Variants in PDE2A observed in about 807,000 individuals in gnomAD.
The protein encoded by PDE2A is cGMP-dependent 3',5'-cyclic phosphodiesterase.
In PDE2A, 53 loss-of-function variants were observed where a neutral mutation model predicts 133.6. The observed-to-expected ratio is 0.40, with a 90% CI of 0.32 to 0.50. PDE2A has a LOEUF of 0.50. Ranked by LOEUF, PDE2A falls within the 20% of genes least tolerant of loss-of-function variation. The probability of loss-of-function intolerance (pLI) is 0.73; values close to 1 mark genes in which losing one functional copy is unlikely to be tolerated. For synonymous variants in PDE2A, 491 were observed against 490.2 expected, an observed-to-expected ratio of 1.00 and a Z score of -0.02; for missense variants, 796 against 1,232.4, an observed-to-expected ratio of 0.65 and a Z score of 5.30.
chr11:72,643,445 C>G (rs1045453334), intron 1 of PDE2A: 4 of 152,486 alleles, frequency 2.6e-5, no homozygotes, highest in African/African-American at 7.2e-5. Context: ...CCCCTCCCCC[C>G]ACTTCCTGGG....
At chr11:72,624,625 G>T (rs1258913895) in intron 2 of PDE2A, among the ~76,000 whole-genome samples, 1 of 152,194 alleles carries the variant, frequency 6.6e-6, no homozygotes, top group Admixed American at 6.5e-5. Context: ...TCACGTTTCT[G>T]TATTTGATTC....
At chr11:72,594,729 C>T (rs1343999860) in intron 6 of PDE2A, among the ~76,000 whole-genome samples, 1 of 152,138 alleles carries the variant, frequency 6.6e-6, no homozygotes, top group African/African-American at 2.4e-5. Context: ...GCTCACATTC[C>T]TCCTCTGCCT....
intron 1 of PDE2A, among the ~76,000 whole-genome samples, chr11:72,645,473 TGACCCCACTCCAAG>T (rs772609140): frequency 2.6e-5 from 4 of 152,134 alleles, no homozygotes; most frequent in Non-Finnish European, 5.9e-5. Context: ...TAGCTAGGAG[TGACCCCACTCCAAG>T]GACTCCTCCA....
chr11:72,579,409 C>T (rs897575129), intron 26 of PDE2A, 26 bp from the exon 27 acceptor site: 1 of 1,589,280 alleles, frequency 6.3e-7, no homozygotes, highest in Admixed American at 1.7e-5. Flanking sequence ...GGGTGTCATG[C>T]CCTCCTACTG....
rs141088528 is a variant in PDE2A, at chr11:72,651,264, C to T, written c.72-8938G>A. 1.4e-3 allele frequency among the ~76,000 whole-genome samples: 210 copies of T among 152,306 alleles called. 5 individuals carry two copies. In the East Asian group the frequency reaches 0.032, roughly 23 times the overall value. On this transcript the variant is annotated intron_variant, in intron 1 of 30. Coordinates refer to ENST00000334456, the MANE Select transcript of PDE2A (RefSeq NM_002599.5). ...GATGCCTGATTGCAGGACTCTAAGA[C>T]TCCAGCACCTGGTTTCTATGCCCCT...
At chr11:72,673,127 C>T (rs1391037974) in intron 1 of PDE2A, among the ~76,000 whole-genome samples, 4 of 152,148 alleles carry the variant, frequency 2.6e-5, no homozygotes, top group Non-Finnish European at 5.9e-5. Flanking sequence ...CAAATACACA[C>T]ACATAAATGC....
intron 2 of PDE2A, among the ~76,000 whole-genome samples, chr11:72,640,582 T>C (rs1049280637): frequency 6.6e-6 from 1 of 151,828 alleles, no homozygotes; most frequent in African/African-American, 2.4e-5. Context: ...ACCCAAGCAA[T>C]CCCAGGATGT....
At chr11:72,645,277 G>T (rs1252630834) in intron 1 of PDE2A, among the ~76,000 whole-genome samples, 1 of 152,188 alleles carries the variant, frequency 6.6e-6, no homozygotes, top group Non-Finnish European at 1.5e-5. Context: ...TTCCCCATCT[G>T]TGAAATGTTA....
intron 2 of PDE2A, among the ~76,000 whole-genome samples, chr11:72,633,825 G>A (rs578038714): frequency 2.0e-5 from 3 of 152,112 alleles, no homozygotes; most frequent in Non-Finnish European, 2.9e-5. Flanking sequence ...GCCCCCTACC[G>A]CATTTCTGTA....
chr11:72,659,872 C>A (rs1352760530), intron 1 of PDE2A, among the ~76,000 whole-genome samples: 1 of 152,176 alleles, frequency 6.6e-6, no homozygotes, highest in African/African-American at 2.4e-5. Context: ...ACCCTCACAT[C>A]CAAGGCTTGC....
chr11:72,641,105 C>T (rs751691426), intron 2 of PDE2A, among the ~76,000 whole-genome samples: 3 of 152,164 alleles, frequency 2.0e-5, no homozygotes, highest in Non-Finnish European at 4.4e-5. Context: ...GGACACATCC[C>T]ACCGCAGGTT....
rs1195062629 is a variant in PDE2A at position 72,597,284 on chromosome 11, C to A, written c.433+226G>T. ...CACTTGCACCTCCTTGAAACACCCC[C>A]TCAAGGTAAATACTATTGTCCCATT... On this transcript the variant is annotated intron_variant, in intron 5 of 30. Coordinates refer to ENST00000334456, the MANE Select transcript of PDE2A (RefSeq NM_002599.5). The surrounding 1 kb of genome is among the most constrained non-coding windows in gnomAD (Gnocchi z 4.6). Among the ~76,000 whole-genome samples, 8 of 152,178 alleles carry A rather than the reference C, an allele frequency of 5.3e-5. No individual in the cohort carries two copies. The East Asian group carries it at 1.2e-3, about 22-fold the overall frequency.
Position 72,647,444 on chromosome 11 carries a change from C to T in PDE2A, c.72-5118G>A, listed in dbSNP as rs1399133352. ...GGAGGCAGTATCCAGGCAGGCCTCC[C>T]TGGGCAGAAGGTACCTCTCCTGAGC... On this transcript the variant is annotated intron_variant, in intron 1 of 30. Coordinates refer to ENST00000334456, the MANE Select transcript of PDE2A (RefSeq NM_002599.5). Among the ~76,000 whole-genome samples the T allele has an allele frequency of 2.0e-5, 3 of 152,206 alleles. No individual in the cohort carries two copies. In the East Asian group the frequency reaches 5.8e-4, roughly 29 times the overall value.
rs137881857 is a variant in PDE2A, at chr11:72,605,441, G to A, written c.235-215C>T. 3.1e-3 allele frequency among the ~76,000 whole-genome samples: 478 copies of A among 152,288 alleles called. 2 individuals carry two copies. The highest frequency in any genetic ancestry group is 6.8e-3 in the Middle Eastern group (2 of 294). ...AGCACCTCGTCCTCTCCTCTTGGAC[G>A]GAATTCTAAGCAGGCAATGATTCAT... On this transcript the variant is annotated intron_variant, in intron 3 of 30. Coordinates refer to ENST00000334456, the MANE Select transcript of PDE2A (RefSeq NM_002599.5).
intron 1 of PDE2A, among the ~76,000 whole-genome samples, chr11:72,651,376 T>C (rs1854736983): frequency 6.6e-6 from 1 of 151,932 alleles, no homozygotes; most frequent in African/African-American, 2.4e-5. Flanking sequence ...CTGCCTGCAG[T>C]TGGGGATACC....
chr11:72,630,894 T>C (rs1858343736), intron 2 of PDE2A, among the ~76,000 whole-genome samples: 1 of 151,912 alleles, frequency 6.6e-6, no homozygotes, highest in Non-Finnish European at 1.5e-5. Context: ...ACTTCCAGGC[T>C]GGGGATATAT....
intron 2 of PDE2A, among the ~76,000 whole-genome samples, chr11:72,630,411 T>C (rs1858315781): frequency 2.6e-5 from 4 of 151,792 alleles, no homozygotes; most frequent in Admixed American, 2.6e-4. Context: ...AGGAGTGAGC[T>C]TGGTCCCATG....
chr11:72,664,238 A>C (rs928382271), intron 1 of PDE2A, among the ~76,000 whole-genome samples: 3 of 151,996 alleles, frequency 2.0e-5, no homozygotes, highest in Admixed American at 2.0e-4. Context: ...GTAACTTGAC[A>C]TGTCCTGCTG....
chr11:72,655,602 C>T (rs1208194989), intron 1 of PDE2A, among the ~76,000 whole-genome samples: 1 of 152,026 alleles, frequency 6.6e-6, no homozygotes, highest in African/African-American at 2.4e-5. Flanking sequence ...GATGTGGGTT[C>T]AAATCCCAGC....
Sources: allele counts gnomAD v4.1 joint callset (sites outside exome capture counted in the v4.1 genomes callset), GRCh38; gene constraint gnomAD v4.1.1; non-coding constraint Gnocchi (gnomAD v3.1); transcripts MANE v1.5; gene names NCBI Gene and HGNC (gene_info 2026-07-23, HGNC 2026-07-21).